Variants in LRRC45 observed in about 807,000 individuals in gnomAD.
LRRC45 encodes the protein leucine-rich repeat-containing protein 45.
Under a neutral mutation model 85.4 loss-of-function variants are expected in LRRC45, and 73 were observed. The observed-to-expected ratio is 0.85, with a 90% CI of 0.71 to 1.04. LRRC45 has a LOEUF of 1.04. LRRC45 is among the 50% of genes least tolerant of loss of function. The pLI, the probability that LRRC45 is intolerant of heterozygous loss-of-function variation, is 0.00. For missense variants in LRRC45, 937 were observed against 883.3 expected (o/e 1.06, Z -0.77); for synonymous variants, 429 against 386.0 (o/e 1.11, Z -1.31).
At position 82,031,012 on chromosome 17, in the gene LRRC45, G is replaced by C. The variant is rs1806782894; in HGVS notation, c.*207G>C. ...GGCTCCCTACCGGCCCCTTCTTCCC[G>C]GTCGACGCCACGTGGGAGCACACCG... On this transcript the variant is annotated 3_prime_UTR_variant, in exon 17 of 17. Transcript: ENST00000306688. 6 of 400,886 alleles carry C rather than the reference G, an allele frequency of 1.5e-5. No homozygotes were observed. The highest frequency in any genetic ancestry group is 2.1e-5 in the African/African-American group (1 of 48,602). 24.8% of individuals were successfully genotyped at this position (400,886 alleles called of 1,614,324 possible).
Position 82,023,876 on chromosome 17 carries a change from G to C in LRRC45, c.220+13G>C. ...CTCAGCGAGGAAGGTGGGCAGGCGCGGCGGGGTGGATCCCTCTGCTCCTTA... is the reference window on the plus strand; with the variant it reads ...CTCAGCGAGGAAGGTGGGCAGGCGCCGCGGGGTGGATCCCTCTGCTCCTTA... On this transcript the variant is annotated intron_variant, in intron 1 of 16. Transcript: ENST00000306688. The C allele has an allele frequency of 1.9e-6, 3 of 1,547,386 alleles. No individual in the cohort carries two copies. The East Asian group carries it at 7.3e-5, about 38-fold the overall frequency.
intron 1 of LRRC45, 47 bp from the exon 2 acceptor site, chr17:82,024,231 T>C: frequency 6.2e-7 from 1 of 1,601,738 alleles, no homozygotes. Flanking sequence ...GGGGAGGGCC[T>C]TGGGGTCAGC....
chr17:82,025,504 G>A lies in LRRC45; in HGVS notation c.658G>A (p.Val220Met), dbSNP rs557866291. The A allele has an allele frequency of 3.6e-4, 583 of 1,601,106 alleles. 9 individuals are homozygous for A. The South Asian group carries it at 6.1e-3, about 17-fold the overall frequency. Reference protein sequence around the residue: ...NNIPGDVLRAVEQAMGHSQDR... With the variant: ...NNIPGDVLRAMEQAMGHSQDR... ...CATCCCTGGAGACGTCCTCAGAGCCGTGGGTACGGTGCAGGGCTGTGTGGA... is the reference window on the plus strand; with the variant it reads ...CATCCCTGGAGACGTCCTCAGAGCCATGGGTACGGTGCAGGGCTGTGTGGA... The change falls in exon 5 of 17, where the codon GTG becomes ATG. Residue 220 changes from valine (V) to methionine (M), a missense_variant. Transcript: ENST00000306688.
rs1406946859 is a variant in LRRC45 at position 82,029,634 on chromosome 17, A to T, written c.1493A>T (p.Glu498Val). 1 of 1,567,070 alleles carries T rather than the reference A, an allele frequency of 6.4e-7. No individual in the cohort carries two copies. Among genetic ancestry groups the T allele is most frequent in the South Asian group, 1.2e-5 (1 of 85,148 alleles). ...GCCAAGAGCCAGGCCCGCCTGGAGG[A>T]GGTGAGCCACACATGTCCGCCACCC... ...IKAKSQARLE[E>V]QQRLAHLEDK... The change falls in exon 14 of 17, where the codon GAG becomes GTG. Residue 498 changes from glutamate (E) to valine (V), a missense_variant and splice_region_variant. Transcript: ENST00000306688.
chr17:82,027,935 C>T (rs906337907), intron 8 of LRRC45, 76 bp from the exon 9 acceptor site: 2 of 1,541,140 alleles, frequency 1.3e-6, no homozygotes, highest in East Asian at 2.3e-5. Context: ...TGCCCAGCAA[C>T]AGTGAAAGCA....
In LRRC45 at chr17:82,025,014, G is replaced by A; in HGVS notation, c.368G>A (p.Trp123Ter). ...NKSIQSLTLE[W>*]NSLGTWDDAF... ...CCCTCCTGCAGCCTCACGCTGGAGT[G>A]GAACAGCCTGGGCACGTGGGACGAT... The change falls in exon 4 of 17, where the codon TGG becomes TAG. Residue 123 changes from tryptophan to a stop codon, truncating the protein, a stop_gained. Transcript: ENST00000306688. LOFTEE classifies it high-confidence loss of function. 1 of 1,591,766 alleles carries A rather than the reference G, an allele frequency of 6.3e-7. No homozygotes were observed. The highest frequency in any genetic ancestry group is 8.6e-7 in the Non-Finnish European group (1 of 1,169,038).
chr17:82,028,905 G>C (rs1473120449), intron 12 of LRRC45, 188 bp from the exon 13 acceptor site: 8 of 717,414 alleles, frequency 1.1e-5, no homozygotes, highest in Non-Finnish European at 1.9e-5. Context: ...CCGTTGAAGA[G>C]ACACCAAGGC....
Position 82,028,500 on chromosome 17 carries a change from A to G in LRRC45, c.1229A>G (p.Gln410Arg). ...GCTGAGCTGAAGATGCGGGCCATCC[A>G]GGCCGAGGGTGGGCACGGGCAGGCC... ...MSAELKMRAI[Q>R]AEERLDMEKR... The change falls in exon 11 of 17, where the codon CAG (glutamine) becomes CGG (arginine). Residue 410 changes from glutamine (Q) to arginine (R), a missense_variant. By Grantham distance (43) the Gln-to-Arg change is conservative. Coordinates refer to ENST00000306688, the MANE Select transcript of LRRC45 (RefSeq NM_144999.4). 1 of 1,612,348 alleles carries G rather than the reference A, an allele frequency of 6.2e-7. No individual in the cohort carries two copies. The highest frequency in any genetic ancestry group is 8.5e-7 in the Non-Finnish European group (1 of 1,179,796).
chr17:82,030,789 T>C lies in LRRC45; in HGVS notation c.1997T>C (p.Leu666Pro), dbSNP rs949909102. 3 of 1,385,426 alleles carry C rather than the reference T, an allele frequency of 2.2e-6. No homozygotes were observed. Among genetic ancestry groups the C allele is most frequent in the African/African-American group, 1.5e-5 (1 of 67,462 alleles). The allele number at this position is 1,385,426 out of a possible 1,614,324, so 85.8% of individuals were successfully genotyped here. ...GTGCAGGCGTCCCCCGTGAGGACCC[T>C]GAGCCCCCCAAAGTGAGACAGGCCG... ...AYVQASPVRT[L>P]SPPK The change falls in exon 17 of 17, where the codon CTG becomes CCG. Residue 666 changes from leucine (L) to proline (P), a missense_variant. Leu to Pro is a moderately conservative substitution (Grantham distance 98, BLOSUM62 -3). Coordinates refer to ENST00000306688, the MANE Select transcript of LRRC45 (RefSeq NM_144999.4).
chr17:82,029,563 A>C lies in LRRC45; in HGVS notation c.1422A>C (p.Ala474=), dbSNP rs1481164301. ...TGCAGGAGCTGAGCCGAGTGAAAGC[A>C]GCGGCACTCAGCGAGCGTGGCCAGG... The part of the protein sequence containing the change: ...SLEEELSRVK[A]AALSERGQAE... Residue 474 remains alanine (A), a synonymous_variant, in exon 14 of 17, where the codon GCA becomes GCC. Transcript: ENST00000306688. 7 of 1,576,298 alleles carry C rather than the reference A, an allele frequency of 4.4e-6. No homozygotes were observed. Among genetic ancestry groups the C allele is most frequent in the Non-Finnish European group, 5.2e-6 (6 of 1,162,530 alleles).
Position 82,030,139 on chromosome 17 carries a change from C to A in LRRC45, c.1569C>A (p.Cys523Ter). The change falls in exon 15 of 17, where the codon TGC (cysteine) becomes TGA (stop). Residue 523 changes from cysteine (C) to a stop codon, truncating the protein, a stop_gained. Coordinates refer to ENST00000306688, the MANE Select transcript of LRRC45 (RefSeq NM_144999.4). LOFTEE classifies it high-confidence loss of function. ...AQARDEAQGA[C>*]LQQKQVVAEA... ...CACGGGACGAGGCGCAGGGCGCTTG[C>A]CTACAGCAGAAGCAGGTGGTGGCCG... is the stretch of plus-strand genomic sequence containing the variant. The A allele has an allele frequency of 6.5e-7, 1 of 1,548,128 alleles. No homozygotes were observed. Among genetic ancestry groups the A allele is most frequent in the Non-Finnish European group, 8.7e-7 (1 of 1,146,808 alleles).
At chr17:82,030,545 C>T in intron 16 of LRRC45, 64 bp from the exon 17 acceptor site, 3 of 1,489,352 alleles carry the variant, frequency 2.0e-6, no homozygotes, top group Admixed American at 2.2e-5. Context: ...CCAGGTCTCC[C>T]GTGCTGAGGC....
Position 82,030,138 on chromosome 17 carries a change from G to C in LRRC45, c.1568G>C (p.Cys523Ser), listed in dbSNP as rs1304254537. ...AQARDEAQGA[C>S]LQQKQVVAEA... is the part of the protein sequence containing the mutation. Reference sequence around the variant, plus strand: ...GCACGGGACGAGGCGCAGGGCGCTTGCCTACAGCAGAAGCAGGTGGTGGCC... The same window carrying C: ...GCACGGGACGAGGCGCAGGGCGCTTCCCTACAGCAGAAGCAGGTGGTGGCC... The change falls in exon 15 of 17, where the codon TGC (cysteine) becomes TCC (serine). Residue 523 changes from cysteine to serine, a missense_variant. Transcript: ENST00000306688. 6.5e-7 allele frequency: 1 copy of C among 1,547,934 alleles called. No individual in the cohort carries two copies. Among genetic ancestry groups the C allele is most frequent in the African/African-American group, 1.4e-5 (1 of 73,032 alleles).
intron 5 of LRRC45, among the ~76,000 whole-genome samples, chr17:82,026,252 C>A (rs1157678714): frequency 6.6e-6 from 1 of 152,254 alleles, no homozygotes; most frequent in Non-Finnish European, 1.5e-5. Flanking sequence ...TTTGCCTCAG[C>A]ATTGTGCAGT....
In LRRC45 at chr17:82,025,279, T is replaced by G. The variant is rs566283348; in HGVS notation, c.533-100T>G. On this transcript the variant is annotated intron_variant, in intron 4 of 16. Transcript: ENST00000306688. Reference sequence around the variant, plus strand: ...GGACTGGCCTGTGCTCCTGCTCTGTTGATGACTGCAAGGCAGTGCCCCCTA... The same window carrying G: ...GGACTGGCCTGTGCTCCTGCTCTGTGGATGACTGCAAGGCAGTGCCCCCTA... 198 of 1,526,872 alleles carry G rather than the reference T, an allele frequency of 1.3e-4. 1 individual carries two copies. In the African/African-American group the frequency reaches 1.9e-3, roughly 14 times the overall value. 94.6% of individuals were successfully genotyped at this position (1,526,872 alleles called of 1,614,324 possible).
Position 82,028,503 on chromosome 17 carries a change from C to A in LRRC45, c.1232C>A (p.Ala411Asp), listed in dbSNP as rs755333858. 1.9e-6 allele frequency: 3 copies of A among 1,612,234 alleles called. No individual in the cohort carries two copies. The Admixed American group carries it at 5.0e-5, about 27-fold the overall frequency. Residue 411 changes from alanine to aspartate, a missense_variant, in exon 11 of 17, where the codon GCC (alanine) becomes GAC (aspartate). Ala to Asp is a moderately radical substitution (Grantham distance 126, BLOSUM62 -2). Coordinates refer to ENST00000306688, the MANE Select transcript of LRRC45 (RefSeq NM_144999.4). ...GAGCTGAAGATGCGGGCCATCCAGG[C>A]CGAGGGTGGGCACGGGCAGGCCTGC... The part of the protein sequence containing the change: ...SAELKMRAIQ[A>D]EERLDMEKRR...
In LRRC45 at chr17:82,030,635, C is replaced by T; in HGVS notation, c.1843C>T (p.Leu615=). ...GATGGCGAGCGACCACCGAGAGGCG[C>T]TGCTGGACAGGGAGAGCGAGAACGC... ...KVMASDHREA[L]LDRESENASL... The change falls in exon 17 of 17, where the codon CTG becomes TTG. Residue 615 remains leucine, a synonymous_variant. Transcript: ENST00000306688. The T allele has an allele frequency of 7.1e-7, 1 of 1,416,462 alleles. No homozygotes were observed. 87.7% of individuals were successfully genotyped at this position (1,416,462 alleles called of 1,614,324 possible).
chr17:82,024,402 G>A (rs2144138440), intron 2 of LRRC45, 63 bp downstream of exon 2: 2 of 1,593,458 alleles, frequency 1.3e-6, no homozygotes, highest in South Asian at 1.1e-5. Flanking sequence ...AGAGGTGGAA[G>A]ATGCCAGGTC....
intron 15 of LRRC45, 26 bp downstream of exon 15, chr17:82,030,264 C>A (rs966623730): frequency 1.3e-6 from 2 of 1,535,450 alleles, no homozygotes; most frequent in Non-Finnish European, 8.8e-7. Context: ...GTGGGGGGCC[C>A]CGGGCGTGCT....
Sources: gnomAD v4.1 joint callset for allele counts (sites outside exome capture counted in the v4.1 genomes callset) on GRCh38, gnomAD v4.1.1 for gene constraint, MANE v1.5 for transcripts, NCBI Gene and HGNC (gene_info 2026-07-23, HGNC 2026-07-21) for gene names.